Variants in KLHL1 observed in about 807,000 individuals in gnomAD.
KLHL1 encodes kelch-like protein 1.
In KLHL1, 47 loss-of-function variants were observed where a neutral mutation model predicts 77.7. The ratio of observed to expected loss-of-function variants is 0.60; its 90% CI spans 0.48 to 0.77. The LOEUF (loss-of-function observed/expected upper bound fraction) is 0.77, where lower values mean the gene tolerates loss of function less well. Among genes scored for constraint, KLHL1 ranks in the 30% least tolerant of loss-of-function variants. The pLI is 0.00. For missense variants in KLHL1, 925 were observed against 910.8 expected, an observed-to-expected ratio of 1.02 and a Z score of -0.20; for synonymous variants, 360 against 325.2, an observed-to-expected ratio of 1.11 and a Z score of -1.15.
chr13:69,854,473 C>T (rs896272237), intron 5 of KLHL1, among the ~76,000 whole-genome samples: 3 of 151,956 alleles, frequency 2.0e-5, no homozygotes, highest in African/African-American at 4.8e-5. Flanking sequence ...TACCATGACC[C>T]AAACACATCC....
At chr13:70,036,773 T>G (rs1052733592) in intron 1 of KLHL1, among the ~76,000 whole-genome samples, 1 of 151,720 alleles carries the variant, frequency 6.6e-6, no homozygotes, top group Non-Finnish European at 1.5e-5. Context: ...CATCCCACTT[T>G]TCTTGTTTCC....
Position 70,080,988 on chromosome 13 carries a change from T to C in KLHL1, c.497+26215A>G, listed in dbSNP as rs1293481962. 2.0e-5 allele frequency among the ~76,000 whole-genome samples: 3 copies of C among 152,226 alleles called. No individual in the cohort carries two copies. In the East Asian group the frequency reaches 5.8e-4, roughly 29 times the overall value. On this transcript the variant is annotated intron_variant, in intron 1 of 10. Coordinates refer to ENST00000377844, the MANE Select transcript of KLHL1 (RefSeq NM_020866.3). ...AAATCCAGCTTGATTCAGAGACTTC[T>C]CTTCCCAAAAAACATTGCAAAGTGC... is the stretch of plus-strand genomic sequence containing the variant.
chr13:69,970,141 A>G (rs1884337834), intron 2 of KLHL1, among the ~76,000 whole-genome samples: 1 of 152,056 alleles, frequency 6.6e-6, no homozygotes, highest in African/African-American at 2.4e-5. Context: ...CTTGATGCTC[A>G]CTGTTTCAGA....
chr13:69,849,776 G>A (rs972583843), intron 5 of KLHL1, among the ~76,000 whole-genome samples: 2 of 151,200 alleles, frequency 1.3e-5, no homozygotes, highest in African/African-American at 4.8e-5. Context: ...AGAGCTATAG[G>A]CCCCATGATT....
chr13:69,911,617 A>C (rs1022904804), intron 4 of KLHL1, among the ~76,000 whole-genome samples: 1 of 151,920 alleles, frequency 6.6e-6, no homozygotes, highest in African/African-American at 2.4e-5. Flanking sequence ...AAACAATGCT[A>C]AGAAAATCAG....
intron 8 of KLHL1, among the ~76,000 whole-genome samples, chr13:69,734,388 A>G (rs1873681457): frequency 6.6e-6 from 1 of 152,132 alleles, no homozygotes; most frequent in East Asian, 1.9e-4. Context: ...TAAATTTCCC[A>G]GTTTCGGGTA....
In KLHL1 at chr13:69,830,533, C is replaced by T. The variant is rs1051994538; in HGVS notation, c.1414+8443G>A. Among the ~76,000 whole-genome samples, 18 of 150,020 alleles carry T rather than the reference C, an allele frequency of 1.2e-4. 1 individual carries two copies. Among genetic ancestry groups the T allele is most frequent in the African/African-American group, 4.5e-4 (18 of 39,962 alleles). On this transcript the variant is annotated intron_variant, in intron 6 of 10. Coordinates refer to ENST00000377844, the MANE Select transcript of KLHL1 (RefSeq NM_020866.3). ...TTAATACTCCACTGACAGCACTAGA[C>T]CGTCATCAAGACAGAAAGTCAACAA... is the stretch of plus-strand genomic sequence containing the variant.
intron 5 of KLHL1, among the ~76,000 whole-genome samples, chr13:69,856,807 C>T (rs373126607): frequency 6.6e-5 from 10 of 152,106 alleles, no homozygotes; most frequent in African/African-American, 2.4e-4. Flanking sequence ...TATATTTCTT[C>T]TCTTTATCAA....
intron 1 of KLHL1, among the ~76,000 whole-genome samples, chr13:70,088,093 G>T (rs1023576921): frequency 1.8e-4 from 28 of 152,224 alleles, no homozygotes; most frequent in African/African-American, 6.3e-4. Context: ...ACAAAAGTAG[G>T]TTTTTTAAAA....
intron 4 of KLHL1, among the ~76,000 whole-genome samples, chr13:69,901,120 T>C (rs1881839628): frequency 1.3e-5 from 2 of 152,140 alleles, no homozygotes; most frequent in African/African-American, 4.8e-5. Flanking sequence ...TGCAAATAGA[T>C]AGAATAGAAT....
intron 1 of KLHL1, among the ~76,000 whole-genome samples, chr13:70,000,602 C>T (rs1343455710): frequency 6.6e-6 from 1 of 151,896 alleles, no homozygotes; most frequent in East Asian, 1.9e-4. Flanking sequence ...GAAATACATT[C>T]TCTGACCACA....
rs905769611 is a variant in KLHL1 at position 69,724,034 on chromosome 13, C to G, written c.1803-4453G>C. 3.9e-5 allele frequency among the ~76,000 whole-genome samples: 6 copies of G among 152,060 alleles called. No homozygotes were observed. The South Asian group carries it at 1.2e-3, about 32-fold the overall frequency. On this transcript the variant is annotated intron_variant, in intron 8 of 10. Transcript: ENST00000377844. Reference sequence around the variant, plus strand: ...TGTATTTTTAGTAAAAACAGGGTTTCACCATATTGGCCAGGATGGTCCGAA... The same window carrying G: ...TGTATTTTTAGTAAAAACAGGGTTTGACCATATTGGCCAGGATGGTCCGAA...
At chr13:69,905,501 TC>T (rs1251225145) in intron 4 of KLHL1, among the ~76,000 whole-genome samples, 11 of 152,052 alleles carry the variant, frequency 7.2e-5, no homozygotes, top group African/African-American at 2.6e-4. Flanking sequence ...ATTGATCAAC[TC>T]CATGATATAA....
At chr13:70,002,683 T>A (rs2119635) in intron 1 of KLHL1, among the ~76,000 whole-genome samples, 1 of 151,706 alleles carries the variant, frequency 6.6e-6, no homozygotes, top group African/African-American at 2.4e-5. Context: ...AAGCATAAGT[T>A]GTTCAAGAAG....
intron 6 of KLHL1, among the ~76,000 whole-genome samples, chr13:69,801,543 T>C (rs1036046834): frequency 6.6e-6 from 1 of 151,346 alleles, no homozygotes; most frequent in Admixed American, 6.6e-5. Context: ...TGTACAGTAA[T>C]AATATTATTT....
chr13:69,991,367 T>A (rs1356890789), intron 1 of KLHL1, among the ~76,000 whole-genome samples: 1 of 150,180 alleles, frequency 6.7e-6, no homozygotes, highest in African/African-American at 2.4e-5. Context: ...GATCTAGGAG[T>A]TGGTTCTTTG....
intron 1 of KLHL1, among the ~76,000 whole-genome samples, chr13:70,064,075 G>T (rs17086301): frequency 2.1e-4 from 32 of 152,018 alleles, no homozygotes; most frequent in African/African-American, 7.7e-4. Flanking sequence ...GTTAGAGGAC[G>T]GATTAATGGA....
chr13:69,757,426 C>G (rs141263592), intron 7 of KLHL1, among the ~76,000 whole-genome samples: 1 of 152,132 alleles, frequency 6.6e-6, no homozygotes, highest in East Asian at 1.9e-4. Context: ...AATAATATAT[C>G]CATAAAAATT....
chr13:69,930,549 A>C (rs1229338089), intron 4 of KLHL1, among the ~76,000 whole-genome samples: 1 of 151,868 alleles, frequency 6.6e-6, no homozygotes, highest in Non-Finnish European at 1.5e-5. Flanking sequence ...TCTCCTTCCA[A>C]AGAATACAAA....
Sources: allele counts gnomAD v4.1 joint callset (sites outside exome capture counted in the v4.1 genomes callset), GRCh38; gene constraint gnomAD v4.1.1; transcripts MANE v1.5; gene names NCBI Gene and HGNC (gene_info 2026-07-23, HGNC 2026-07-21).